GPD2: variants seen among roughly 807,000 people sequenced by gnomAD.
The protein encoded by GPD2 is glycerol-3-phosphate dehydrogenase 2.
Under a neutral mutation model 82.4 loss-of-function variants are expected in GPD2, and 54 were observed. The observed-to-expected ratio is 0.66, with a 90% CI of 0.53 to 0.82. The LOEUF (loss-of-function observed/expected upper bound fraction) is 0.82, where lower values mean the gene tolerates loss of function less well. Ranked by LOEUF, GPD2 falls within the 40% of genes least tolerant of loss-of-function variation. The probability of loss-of-function intolerance (pLI) is 0.00; values close to 1 mark genes in which losing one functional copy is unlikely to be tolerated. For missense variants in GPD2, 748 were observed against 896.2 expected, an observed-to-expected ratio of 0.83 and a Z score of 2.11; for synonymous variants, 288 against 306.1, an observed-to-expected ratio of 0.94 and a Z score of 0.62.
intron 9 of GPD2, among the ~76,000 whole-genome samples, chr2:156,559,789 G>A (rs1433790427): frequency 6.6e-6 from 1 of 151,916 alleles, no homozygotes; most frequent in Non-Finnish European, 1.5e-5. Context: ...ACTCATACAT[G>A]GTATTTGAAA....
chr2:156,451,002 T>A (rs1218778129), intron 1 of GPD2, among the ~76,000 whole-genome samples: 1 of 136,904 alleles, frequency 7.3e-6, no homozygotes, highest in African/African-American at 2.7e-5. Context: ...ATCAACAGGA[T>A]CCCAAGGCAG....
intron 1 of GPD2, among the ~76,000 whole-genome samples, chr2:156,440,443 A>G (rs114164201): frequency 0.02 from 3,019 of 152,352 alleles, 40 homozygotes; most frequent in Non-Finnish European, 0.03. Flanking sequence ...TGTGGTCAGA[A>G]TGCATCCAGA....
At chr2:156,572,599 T>G (rs978161478) in intron 13 of GPD2, among the ~76,000 whole-genome samples, 1 of 152,152 alleles carries the variant, frequency 6.6e-6, no homozygotes, top group Non-Finnish European at 1.5e-5. Flanking sequence ...GAGTTGATAT[T>G]TAAGCCATCA....
At chr2:156,436,768 C>T (rs1400186895) in intron 1 of GPD2, among the ~76,000 whole-genome samples, 1 of 152,116 alleles carries the variant, frequency 6.6e-6, no homozygotes, top group Non-Finnish European at 1.5e-5. Context: ...GGTTGGTACC[C>T]CATTGAAAGT....
intron 8 of GPD2, among the ~76,000 whole-genome samples, chr2:156,552,379 T>C (rs1237761769): frequency 2.0e-5 from 3 of 152,240 alleles, no homozygotes; most frequent in Non-Finnish European, 4.4e-5. Flanking sequence ...GTCCCATATG[T>C]TTCTCGTATA....
chr2:156,513,280 C>T (rs56312746), intron 5 of GPD2, 53 bp from the exon 6 acceptor site: 1 of 1,245,454 alleles, frequency 8.0e-7, no homozygotes, highest in East Asian at 2.3e-5. Context: ...AGGTAATATT[C>T]TATAATGCTA....
chr2:156,522,357 A>G (rs962565340), intron 6 of GPD2, among the ~76,000 whole-genome samples: 15 of 152,212 alleles, frequency 9.9e-5, no homozygotes, highest in African/African-American at 3.6e-4. Context: ...TAAAAGCTTA[A>G]AGACAGTGCT....
At chr2:156,546,695 G>A (rs528094478) in intron 6 of GPD2, among the ~76,000 whole-genome samples, 49 of 152,262 alleles carry the variant, frequency 3.2e-4, no homozygotes, top group Admixed American at 4.6e-4. Flanking sequence ...TCCCTGCAAA[G>A]CAAGGGATAC....
the GPD2 span, among the ~76,000 whole-genome samples, chr2:156,422,957 G>C: frequency 6.6e-6 from 1 of 152,140 alleles, no homozygotes; most frequent in Non-Finnish European, 1.5e-5. Flanking sequence ...ATATTTGTTA[G>C]GTGAATGAAT....
the GPD2 span, among the ~76,000 whole-genome samples, chr2:156,407,995 C>T: frequency 7.1e-6 from 1 of 141,732 alleles, no homozygotes; most frequent in South Asian, 2.3e-4. Flanking sequence ...TGCTCTGTCA[C>T]CCAGGCTAGA....
chr2:156,527,025 G>A (rs1685633373), intron 6 of GPD2, among the ~76,000 whole-genome samples: 1 of 152,114 alleles, frequency 6.6e-6, no homozygotes, highest in African/African-American at 2.4e-5. Flanking sequence ...AGGATCAGGA[G>A]TCTTTGCCCA....
At chr2:156,476,784 C>A (rs1010368439) in intron 2 of GPD2, among the ~76,000 whole-genome samples, 1 of 152,100 alleles carries the variant, frequency 6.6e-6, no homozygotes, top group Non-Finnish European at 1.5e-5. Flanking sequence ...ACAACTGTGA[C>A]TTCCCATAGT....
At chr2:156,434,474 A>C (rs1459322807), upstream of GPD2, among the ~76,000 whole-genome samples, 1 of 152,180 alleles carries the variant, frequency 6.6e-6, no homozygotes, top group African/African-American at 2.4e-5. Context: ...ACATAAAAAA[A>C]CAAACTATTA....
At chr2:156,570,732 A>C (rs545432889) in intron 12 of GPD2, among the ~76,000 whole-genome samples, 2 of 152,292 alleles carry the variant, frequency 1.3e-5, no homozygotes, top group South Asian at 4.1e-4. Flanking sequence ...AAGACAAAAA[A>C]CTATACAGAC....
chr2:156,549,644 C>T lies in GPD2; in HGVS notation c.698C>T (p.Ala233Val). The stretch of plus-strand genomic sequence containing the variant: ...GATGCACGGATGAACCTTGCCATTG[C>T]TCTGACTGCTGCCAGGTATGGGGCT... ...HNDARMNLAI[A>V]LTAARYGAAT... Residue 233 changes from alanine to valine, a missense_variant, in exon 7 of 17, where the codon GCT (alanine) becomes GTT (valine). By Grantham distance (64) the Ala-to-Val change is moderately conservative. This residue lies in a region of GPD2 where 692 missense variants were observed against 809.7 expected (regional missense o/e 0.85). Transcript: ENST00000438166. 1.2e-6 allele frequency: 2 copies of T among 1,614,100 alleles called. No individual in the cohort carries two copies. The highest frequency in any genetic ancestry group is 1.1e-5 in the South Asian group (1 of 91,076).
At chr2:156,468,090 C>T (rs932856248) in intron 1 of GPD2, among the ~76,000 whole-genome samples, 1 of 152,098 alleles carries the variant, frequency 6.6e-6, no homozygotes, top group African/African-American at 2.4e-5. Context: ...GAGATACCTC[C>T]TTCAAGGGAA....
intron 6 of GPD2, among the ~76,000 whole-genome samples, chr2:156,522,906 G>T (rs1426563339): frequency 6.6e-6 from 1 of 150,740 alleles, no homozygotes; most frequent in Non-Finnish European, 1.5e-5. Context: ...AGCTATGATT[G>T]ATTTTTTTTT....
Position 156,439,513 on chromosome 2 carries a change from GAAAAAAAAAAAAAAAAAAAAAAAAAAC to G in GPD2, c.-9+3014_-9+3040del, listed in dbSNP as rs1285368631. 4.0e-3 allele frequency among the ~76,000 whole-genome samples: 128 copies of G among 31,638 alleles called. 1 individual carries two copies. Among genetic ancestry groups the G allele is most frequent in the South Asian group, 6.1e-3 (3 of 490 alleles). 20.8% of individuals were successfully genotyped at this position (31,638 alleles called of 152,430 possible). ...GTGAGAATTGCTTGAGACTGTCTCA[GAAAAAAAAAAAAAAAAAAAAAAAAAAC>G]AAAAAAAAAAAAACAAGCCAGGCAG... On this transcript the variant is annotated intron_variant, in intron 1 of 16. Coordinates refer to ENST00000438166, the MANE Select transcript of GPD2 (RefSeq NM_000408.5).
chr2:156,536,675 A>G (rs1573975276), intron 6 of GPD2, among the ~76,000 whole-genome samples: 1 of 152,210 alleles, frequency 6.6e-6, no homozygotes, highest in African/African-American at 2.4e-5. Flanking sequence ...AGAGAAGTAA[A>G]CCAGCAACAA....
Sources: gnomAD v4.1 joint callset for allele counts (sites outside exome capture counted in the v4.1 genomes callset) on GRCh38, gnomAD v4.1.1 for gene constraint, gnomAD v4.1.1 regional missense constraint, MANE v1.5 for transcripts, NCBI Gene and HGNC (gene_info 2026-07-23, HGNC 2026-07-21) for gene names.